The following CADPS2 variants were observed in gnomAD, a reference collection of about 807,000 sequenced individuals.
CADPS2 encodes the protein calcium dependent secretion activator 2.
In CADPS2, 93 loss-of-function variants were observed where a neutral mutation model predicts 172.5. That is an observed-to-expected ratio of 0.54 (90% CI 0.46 to 0.64). CADPS2 has a LOEUF of 0.64. Among genes scored for constraint, CADPS2 ranks in the 30% least tolerant of loss-of-function variants. The pLI is 0.00. For missense variants in CADPS2, 1,420 were observed against 1,565.9 expected (o/e 0.91, Z 1.57); for synonymous variants, 546 against 555.2 (o/e 0.98, Z 0.23).
intron 1 of CADPS2, among the ~76,000 whole-genome samples, chr7:122,842,092 TC>T (rs1810697836): frequency 6.6e-6 from 1 of 152,194 alleles, no homozygotes; most frequent in Admixed American, 6.5e-5. Context: ...CCAGGAATAG[TC>T]ACACATGTGG....
rs913820331 is a variant in CADPS2 at position 122,564,820 on chromosome 7, TAC to T, written c.1336-10133_1336-10132del. Among the ~76,000 whole-genome samples, 7 of 143,014 alleles carry T rather than the reference TAC, an allele frequency of 4.9e-5. 1 individual carries two copies. Among genetic ancestry groups the T allele is most frequent in the South Asian group, 2.2e-4 (1 of 4,462 alleles). 93.8% of individuals were successfully genotyped at this position (143,014 alleles called of 152,430 possible). On this transcript the variant is annotated intron_variant, in intron 7 of 29. Coordinates refer to ENST00000449022, the MANE Select transcript of CADPS2 (RefSeq NM_017954.11). ...TTTTAATTGCATAAACATATGTGTG[TAC>T]ACAGACACACACATACACACACATG...
intron 8 of CADPS2, among the ~76,000 whole-genome samples, chr7:122,550,518 A>G (rs547541838): frequency 3.3e-5 from 5 of 152,300 alleles, no homozygotes; most frequent in South Asian, 2.1e-4. Flanking sequence ...TAATGCTTCC[A>G]CATATTTGTG....
At chr7:122,658,130 T>C (rs1325369731) in intron 3 of CADPS2, among the ~76,000 whole-genome samples, 2 of 152,076 alleles carry the variant, frequency 1.3e-5, no homozygotes, top group South Asian at 2.1e-4. Flanking sequence ...CCAACAGACA[T>C]ATGAAAAAAT....
chr7:122,720,557 C>T (rs2090253747), intron 2 of CADPS2, among the ~76,000 whole-genome samples: 1 of 150,556 alleles, frequency 6.6e-6, no homozygotes, highest in Non-Finnish European at 1.5e-5. Flanking sequence ...TGTATATATG[C>T]ATGTGTCTGT....
intron 7 of CADPS2, among the ~76,000 whole-genome samples, chr7:122,555,708 G>A (rs1587235145): frequency 1.3e-5 from 2 of 152,028 alleles, no homozygotes; most frequent in South Asian, 4.1e-4. Context: ...TTGTAATACT[G>A]TTATAATTTT....
rs913681571 is a variant in CADPS2, at chr7:122,582,267, G to A, written c.1224-977C>T. On this transcript the variant is annotated intron_variant, in intron 6 of 29. Coordinates refer to ENST00000449022, the MANE Select transcript of CADPS2 (RefSeq NM_017954.11). ...ACATTTTATTTTATAAATCTCATTC[G>A]GAGAGCTTACAACATACAGAAAACT... is the stretch of plus-strand genomic sequence containing the variant. Among the ~76,000 whole-genome samples, 7 of 151,858 alleles carry A rather than the reference G, an allele frequency of 4.6e-5. No individual in the cohort carries two copies. In the East Asian group the frequency reaches 9.7e-4, roughly 21 times the overall value.
At chr7:122,507,096 T>C (rs552508404) in intron 9 of CADPS2, among the ~76,000 whole-genome samples, 14 of 151,984 alleles carry the variant, frequency 9.2e-5, no homozygotes, top group Non-Finnish European at 1.8e-4. Context: ...ATAATAAACA[T>C]ATAAATGTAA....
At chr7:122,578,223 A>T (rs887577046) in intron 7 of CADPS2, among the ~76,000 whole-genome samples, 1 of 151,816 alleles carries the variant, frequency 6.6e-6, no homozygotes, top group African/African-American at 2.4e-5. Flanking sequence ...ATATATATAT[A>T]CCCACACACA....
intron 3 of CADPS2, among the ~76,000 whole-genome samples, chr7:122,651,728 G>A (rs929049733): frequency 2.0e-5 from 3 of 152,134 alleles, no homozygotes; most frequent in Admixed American, 2.0e-4. Context: ...TTAATGGAAT[G>A]AGATTATAAA....
At chr7:122,484,165 T>G (rs148804346) in intron 11 of CADPS2, among the ~76,000 whole-genome samples, 249 of 152,276 alleles carry the variant, frequency 1.6e-3, no homozygotes, top group African/African-American at 5.5e-3. Context: ...GTGAATAAAC[T>G]TATTTTAAAA....
chr7:122,838,999 G>A, intron 1 of CADPS2, among the ~76,000 whole-genome samples: 1 of 152,160 alleles, frequency 6.6e-6, no homozygotes, highest in Non-Finnish European at 1.5e-5. Flanking sequence ...GAACAAAGCT[G>A]GAGGCATCAT....
At chr7:122,780,031 A>C (rs1396221795) in intron 1 of CADPS2, among the ~76,000 whole-genome samples, 1 of 152,162 alleles carries the variant, frequency 6.6e-6, no homozygotes, top group Non-Finnish European at 1.5e-5. Context: ...GCCATTTTCT[A>C]ATTTTTATGT....
At chr7:122,767,038 A>C (rs955671549) in intron 1 of CADPS2, among the ~76,000 whole-genome samples, 7 of 152,186 alleles carry the variant, frequency 4.6e-5, no homozygotes, top group African/African-American at 1.7e-4. Context: ...TTAATACAAA[A>C]ATCATTGTAT....
intron 15 of CADPS2, 80 bp from the exon 16 acceptor site, chr7:122,441,655 G>A: frequency 1.2e-6 from 1 of 833,246 alleles, no homozygotes; most frequent in Non-Finnish European, 1.8e-6. Context: ...TGTATTACTT[G>A]GCATTAATGA....
At chr7:122,850,406 A>G (rs1009374517) in intron 1 of CADPS2, 7 of 309,140 alleles carry the variant, frequency 2.3e-5, no homozygotes, top group Non-Finnish European at 4.4e-5. Flanking sequence ...GTTGCAGTGG[A>G]TTGAATCCCT....
In CADPS2 at chr7:122,464,997, T is replaced by C. The variant is rs1383036514; in HGVS notation, c.2186+6378A>G. On this transcript the variant is annotated intron_variant, in intron 14 of 29. Transcript: ENST00000449022. ...ACTCTATGCACTCTTTTAGTAACTT[T>C]TCTGTAATCTAAAATTATCGTAAAA... Among the ~76,000 whole-genome samples the C allele has an allele frequency of 2.0e-5, 3 of 152,182 alleles. No homozygotes were observed. The East Asian group carries it at 5.8e-4, about 29-fold the overall frequency.
At chr7:122,860,078 T>C (rs1816523321) in intron 1 of CADPS2, among the ~76,000 whole-genome samples, 1 of 152,074 alleles carries the variant, frequency 6.6e-6, no homozygotes, top group Admixed American at 6.6e-5. Flanking sequence ...ATAAAAACTG[T>C]AGGATGACTT....
intron 2 of CADPS2, among the ~76,000 whole-genome samples, chr7:122,708,706 T>C (rs965984772): frequency 2.0e-5 from 3 of 151,692 alleles, no homozygotes; most frequent in African/African-American, 7.3e-5. Flanking sequence ...AACTCTCTTC[T>C]TCATTCAGAA....
intron 12 of CADPS2, among the ~76,000 whole-genome samples, chr7:122,480,297 ATTTT>A (rs11446267): frequency 6.6e-6 from 1 of 150,656 alleles, no homozygotes. Flanking sequence ...AGATTTTATA[ATTTT>A]TTTTTTATTT....
Sources: allele counts gnomAD v4.1 joint callset (sites outside exome capture counted in the v4.1 genomes callset), GRCh38; gene constraint gnomAD v4.1.1; transcripts MANE v1.5; gene names NCBI Gene and HGNC (gene_info 2026-07-23, HGNC 2026-07-21).